The following ARIH1 variants were observed in gnomAD, a reference collection of about 807,000 sequenced individuals.
The protein encoded by ARIH1 is ariadne RBR E3 ubiquitin protein ligase 1, also known as E3 ubiquitin-protein ligase ARIH1.
ARIH1 carries 8 observed loss-of-function variants against 85.0 expected under a neutral mutation model. That is an observed-to-expected ratio of 0.09 (90% CI 0.06 to 0.17). The LOEUF (loss-of-function observed/expected upper bound fraction) is 0.17, where lower values mean the gene tolerates loss of function less well. Among genes scored for constraint, ARIH1 ranks in the 10% least tolerant of loss-of-function variants. ARIH1 has a pLI of 1.00. For missense variants in ARIH1, 311 were observed against 718.1 expected, an observed-to-expected ratio of 0.43 and a Z score of 6.48; for synonymous variants, 238 against 253.6, an observed-to-expected ratio of 0.94 and a Z score of 0.59.
chr15:72,501,288 A>G (rs756017633), intron 1 of ARIH1, among the ~76,000 whole-genome samples: 22 of 152,350 alleles, frequency 1.4e-4, no homozygotes, highest in Middle Eastern at 3.4e-3. Context: ...TTTTTAAGAG[A>G]CAAATTTATT....
chr15:72,498,276 T>C (rs1312486234), intron 1 of ARIH1, among the ~76,000 whole-genome samples: 2 of 152,206 alleles, frequency 1.3e-5, no homozygotes, highest in Non-Finnish European at 2.9e-5. Flanking sequence ...GGCACATTTG[T>C]GCTTTCTCAC....
rs187369919 is a variant in ARIH1 at position 72,543,817 on chromosome 15, G to A, written c.444-1003G>A. 1.3e-4 allele frequency among the ~76,000 whole-genome samples: 20 copies of A among 151,334 alleles called. No individual in the cohort carries two copies. In the East Asian group the frequency reaches 3.9e-3, roughly 29 times the overall value. ...GACCAGATTGCACATTAATATTTTT[G>A]CTGGTTATATTGGTTTTACAGATTG... On this transcript the variant is annotated intron_variant, in intron 2 of 13. Coordinates refer to ENST00000379887, the MANE Select transcript of ARIH1 (RefSeq NM_005744.5).
intron 1 of ARIH1, among the ~76,000 whole-genome samples, chr15:72,488,296 C>T (rs1044419319): frequency 6.6e-6 from 1 of 151,966 alleles, no homozygotes; most frequent in African/African-American, 2.4e-5. Flanking sequence ...AGACTGGTCT[C>T]GACCTCCTGG....
At chr15:72,555,134 T>G in intron 3 of ARIH1, 137 bp from the exon 4 acceptor site, 1 of 622,336 alleles carries the variant, frequency 1.6e-6, no homozygotes, top group South Asian at 2.1e-5. Context: ...AAAGTTCATT[T>G]TAGGAGCCCA....
chr15:72,523,478 G>T (rs1324802419), intron 2 of ARIH1, among the ~76,000 whole-genome samples: 9 of 151,764 alleles, frequency 5.9e-5, no homozygotes, highest in Admixed American at 5.9e-4. Flanking sequence ...GGTTGCTAGG[G>T]GTTAGTGAAG....
At chr15:72,505,868 T>C (rs1023474985) in intron 1 of ARIH1, among the ~76,000 whole-genome samples, 22 of 152,124 alleles carry the variant, frequency 1.4e-4, no homozygotes, top group African/African-American at 5.3e-4. Context: ...CCCGAGGAGC[T>C]GGGATTACAG....
intron 1 of ARIH1, among the ~76,000 whole-genome samples, chr15:72,487,186 A>G (rs2063841095): frequency 6.6e-6 from 1 of 152,122 alleles, no homozygotes; most frequent in Admixed American, 6.5e-5. Flanking sequence ...TTGGCAAAAA[A>G]CAGAGCAGGT....
intron 2 of ARIH1, among the ~76,000 whole-genome samples, chr15:72,518,450 C>A (rs2063984659): frequency 6.6e-6 from 1 of 152,130 alleles, no homozygotes; most frequent in South Asian, 2.1e-4. Context: ...CACCTGATAA[C>A]ATTCTTGGAG....
rs1175782333 is a variant in ARIH1, at chr15:72,584,379, T to C, written c.*1087T>C. The C allele has an allele frequency of 6.6e-6, 1 of 152,212 alleles. No homozygotes were observed. Among genetic ancestry groups the C allele is most frequent in the Non-Finnish European group, 1.5e-5 (1 of 68,030 alleles). 9.4% of individuals were successfully genotyped at this position (152,212 alleles called of 1,614,324 possible). ...ATGTTATGCACACAGCTGTAGGCAT[T>C]CTTAAGTCCCCTGTCGCATCCAGTG... is the stretch of plus-strand genomic sequence containing the variant. On this transcript the variant is annotated 3_prime_UTR_variant, in exon 14 of 14. Transcript: ENST00000379887.
rs2064351174 is a variant in ARIH1 at position 72,593,534 on chromosome 15, C to T, written c.*10242C>T. 1 of 152,126 alleles carries T rather than the reference C, an allele frequency of 6.6e-6. No homozygotes were observed. The highest frequency in any genetic ancestry group is 2.4e-5 in the African/African-American group (1 of 41,420). 9.4% of individuals were successfully genotyped at this position (152,126 alleles called of 1,614,324 possible). On this transcript the variant is annotated 3_prime_UTR_variant, in exon 14 of 14. Transcript: ENST00000379887. ...AGAATGAGGTTTGGTTTTTTTCCAA[C>T]ATGGATATACAGTTGTTCCAGCAAC...
At chr15:72,535,430 A>T (rs139192719) in intron 2 of ARIH1, among the ~76,000 whole-genome samples, 9 of 152,308 alleles carry the variant, frequency 5.9e-5, no homozygotes, top group African/African-American at 1.4e-4. Flanking sequence ...CATAATTCCT[A>T]CATATAGTTG....
chr15:72,550,754 C>T lies in ARIH1; in HGVS notation c.589-4517C>T, dbSNP rs1595867625. Among the ~76,000 whole-genome samples, 5 of 151,498 alleles carry T rather than the reference C, an allele frequency of 3.3e-5. No individual in the cohort carries two copies. In the South Asian group the frequency reaches 1.0e-3, roughly 32 times the overall value. ...TGGTGTGATCTCGGCTTACTGCAAC[C>T]TCCGCCTCCCGGGTTCAAGTGATTC... On this transcript the variant is annotated intron_variant, in intron 3 of 13. Transcript: ENST00000379887.
intron 2 of ARIH1, among the ~76,000 whole-genome samples, chr15:72,529,185 C>T (rs139879613): frequency 3.3e-5 from 5 of 151,922 alleles, no homozygotes; most frequent in Non-Finnish European, 5.9e-5. Flanking sequence ...GGCGACAGAG[C>T]GAGACTCCGT....
chr15:72,557,526 C>T (rs4777516), intron 5 of ARIH1, among the ~76,000 whole-genome samples: 123,282 of 152,136 alleles, frequency 0.81, 53,964 homozygotes, highest in East Asian at 1. Flanking sequence ...ATAGTTTCTT[C>T]AGCTGTACAG....
chr15:72,573,058 C>G (rs2064255619), intron 11 of ARIH1, among the ~76,000 whole-genome samples: 1 of 152,188 alleles, frequency 6.6e-6, no homozygotes, highest in Non-Finnish European at 1.5e-5. Context: ...TATTGAAATT[C>G]CCCAGTTGTC....
chr15:72,502,689 CCA>C (rs1475169829), intron 1 of ARIH1, among the ~76,000 whole-genome samples: 1 of 152,044 alleles, frequency 6.6e-6, no homozygotes, highest in Non-Finnish European at 1.5e-5. Flanking sequence ...GCCTGTAGTC[CCA>C]GTTACTTGGG....
At chr15:72,478,851 A>G (rs1162334912) in intron 1 of ARIH1, among the ~76,000 whole-genome samples, 1 of 152,170 alleles carries the variant, frequency 6.6e-6, no homozygotes, top group African/African-American at 2.4e-5. Context: ...AAAATCAGAA[A>G]TGCTCTGAAA....
At chr15:72,537,670 G>A (rs2064088746) in intron 2 of ARIH1, among the ~76,000 whole-genome samples, 1 of 152,064 alleles carries the variant, frequency 6.6e-6, no homozygotes, top group South Asian at 2.1e-4. Flanking sequence ...TCTAAAAGTA[G>A]AAAAAAATTA....
chr15:72,541,258 G>A lies in ARIH1; in HGVS notation c.444-3562G>A, dbSNP rs558888497. ...AAGTAAGGAGCCAGCAGTCTAGCAG[G>A]CATGCAAGCCCTGCCTCAGCTTCTC... is the stretch of plus-strand genomic sequence containing the variant. On this transcript the variant is annotated intron_variant, in intron 2 of 13. Transcript: ENST00000379887. Among the ~76,000 whole-genome samples the A allele has an allele frequency of 6.0e-4, 92 of 152,242 alleles. 1 individual carries two copies. Among genetic ancestry groups the A allele is most frequent in the African/African-American group, 2.1e-3 (87 of 41,538 alleles).
Sources: allele counts gnomAD v4.1 joint callset (sites outside exome capture counted in the v4.1 genomes callset), GRCh38; gene constraint gnomAD v4.1.1; transcripts MANE v1.5; gene names NCBI Gene and HGNC (gene_info 2026-07-23, HGNC 2026-07-21).